LATS2: variants seen among roughly 807,000 people sequenced by gnomAD.
The protein encoded by LATS2 is large tumor suppressor kinase 2.
A neutral mutation model predicts 76.0 loss-of-function variants in LATS2; 24 were observed. That is an observed-to-expected ratio of 0.32 (90% CI 0.23 to 0.44). The LOEUF (loss-of-function observed/expected upper bound fraction) is 0.44. Ranked by LOEUF, LATS2 falls within the 20% of genes least tolerant of loss-of-function variation. LATS2 has a pLI of 1.00. For synonymous variants in LATS2, 692 were observed against 635.4 expected (o/e 1.09, Z -1.34); for missense variants, 1,286 against 1,481.2 (o/e 0.87, Z 2.16).
At position 20,990,646 on chromosome 13, in the gene LATS2, G is replaced by C. The variant is rs953912428; in HGVS notation, c.475+626C>G. The stretch of plus-strand genomic sequence containing the variant: ...TTGGGTTACAGGCTTGAGCCACTGC[G>C]CCTGGCCATGAATCCTTTATCACAC... On this transcript the variant is annotated intron_variant, in intron 3 of 7. Transcript: ENST00000382592. Among the ~76,000 whole-genome samples, 7 of 152,040 alleles carry C rather than the reference G, an allele frequency of 4.6e-5. 1 individual carries two copies. In the South Asian group the frequency reaches 1.2e-3, roughly 27 times the overall value.
At chr13:21,018,691 T>C (rs1221601460) in intron 2 of LATS2, among the ~76,000 whole-genome samples, 1 of 152,174 alleles carries the variant, frequency 6.6e-6, no homozygotes, top group African/African-American at 2.4e-5. Flanking sequence ...TCTTGCTTTG[T>C]CGCCCTGTCT....
At chr13:21,039,158 A>G (rs753816666) in intron 2 of LATS2, among the ~76,000 whole-genome samples, 6 of 152,108 alleles carry the variant, frequency 3.9e-5, no homozygotes, top group Admixed American at 6.6e-5. Context: ...AAAAAAGGGG[A>G]AAAGGCAAGG....
intron 2 of LATS2, among the ~76,000 whole-genome samples, chr13:21,003,180 C>CTGTT (rs1565950581): frequency 6.6e-6 from 1 of 152,072 alleles, no homozygotes; most frequent in Non-Finnish European, 1.5e-5. Flanking sequence ...AAAAATGAGA[C>CTGTT]TGTTCCATTA....
Position 20,974,802 on chromosome 13 carries a change from C to CCACA in LATS2, c.*67_*68insTGTG. On this transcript the variant is annotated 3_prime_UTR_variant, in exon 8 of 8. Transcript: ENST00000382592. Reference sequence around the variant, plus strand: ...AACAGCCCTCGGCTTCCCTATTGGCCTGTGAGGGCACCGGCTCCGGGACCC... The same window carrying CCACA: ...AACAGCCCTCGGCTTCCCTATTGGCCCACATGTGAGGGCACCGGCTCCGGGACCC... 6.6e-7 allele frequency: 1 copy of CCACA among 1,516,512 alleles called. No individual in the cohort carries two copies. The highest frequency in any genetic ancestry group is 8.9e-7 in the Non-Finnish European group (1 of 1,129,196). 93.9% of individuals were successfully genotyped at this position (1,516,512 alleles called of 1,614,324 possible). A position where few individuals can be genotyped will look rare whatever the true frequency, so the allele number is the denominator to read the frequency against.
chr13:20,988,641 G>A lies in LATS2; in HGVS notation c.1139C>T (p.Ser380Phe). Reference sequence around the variant, plus strand: ...CGCCTCCAGGCCCGGCTTCTGCAGGGAGTCCCGGCGGGCCAGGGTGGCAGC... The same window carrying A: ...CGCCTCCAGGCCCGGCTTCTGCAGGAAGTCCCGGCGGGCCAGGGTGGCAGC... ...WPAATLARRD[S>F]LQKPGLEAPP... is the part of the protein sequence containing the mutation. The change falls in exon 4 of 8, where the codon TCC becomes TTC. Residue 380 changes from serine (S) to phenylalanine (F), a missense_variant. Coordinates refer to ENST00000382592, the MANE Select transcript of LATS2 (RefSeq NM_014572.3). The A allele has an allele frequency of 6.3e-7, 1 of 1,584,068 alleles. No homozygotes were observed. The highest frequency in any genetic ancestry group is 8.5e-7 in the Non-Finnish European group (1 of 1,174,106).
chr13:21,034,701 T>G (rs1872637885), intron 2 of LATS2, among the ~76,000 whole-genome samples: 1 of 152,030 alleles, frequency 6.6e-6, no homozygotes, highest in Non-Finnish European at 1.5e-5. Flanking sequence ...GATTTAGTGC[T>G]TGTCTGCTTC....
At chr13:21,021,869 T>G (rs1056928911) in intron 2 of LATS2, among the ~76,000 whole-genome samples, 3 of 152,226 alleles carry the variant, frequency 2.0e-5, no homozygotes, top group African/African-American at 7.2e-5. Context: ...AGACCAGTTC[T>G]GTCACCAAGC....
At chr13:21,046,667 C>T (rs1227610212) in intron 1 of LATS2, among the ~76,000 whole-genome samples, 1 of 152,140 alleles carries the variant, frequency 6.6e-6, no homozygotes, top group East Asian at 1.9e-4. Context: ...ACTAACCTCT[C>T]CCCCCTCACA....
intron 2 of LATS2, among the ~76,000 whole-genome samples, chr13:21,022,236 CTA>C (rs149026722): frequency 0.039 from 5,884 of 151,980 alleles, 156 homozygotes; most frequent in African/African-American, 0.066. Context: ...GCATGTGTGC[CTA>C]TGTGTGTGGA....
intron 1 of LATS2, among the ~76,000 whole-genome samples, chr13:21,050,330 A>T (rs930292407): frequency 6.6e-6 from 1 of 151,602 alleles, no homozygotes; most frequent in African/African-American, 2.4e-5. Context: ...ATAGCATCCA[A>T]ATCAAGAAGT....
Position 20,988,311 on chromosome 13 carries a change from T to C in LATS2, c.1469A>G (p.His490Arg), listed in dbSNP as rs1870277256. 6.5e-7 allele frequency: 1 copy of C among 1,544,766 alleles called. No individual in the cohort carries two copies. The highest frequency in any genetic ancestry group is 1.2e-5 in the South Asian group (1 of 84,780). Reference sequence around the variant, plus strand: ...GCCTGCGCCGCCCAGCGCCAGGGCATGCTCCTCCTTGGCGTCCAAGCCCTC... The same window carrying C: ...GCCTGCGCCGCCCAGCGCCAGGGCACGCTCCTCCTTGGCGTCCAAGCCCTC... ...AAEGLDAKEE[H>R]ALALGGAGAF... Residue 490 changes from histidine (H) to arginine (R), a missense_variant, in exon 4 of 8, where the codon CAT (histidine) becomes CGT (arginine). Physicochemically the swap from His to Arg is conservative, Grantham distance 29 (BLOSUM62 0). Transcript: ENST00000382592.
chr13:21,023,903 G>A (rs1227922573), intron 2 of LATS2, among the ~76,000 whole-genome samples: 1 of 151,500 alleles, frequency 6.6e-6, no homozygotes, highest in African/African-American at 2.4e-5. Context: ...AACCCAGGAG[G>A]CAGAGGTAGC....
At chr13:21,043,537 AG>A (rs1270840090) in intron 2 of LATS2, among the ~76,000 whole-genome samples, 4 of 152,210 alleles carry the variant, frequency 2.6e-5, no homozygotes, top group African/African-American at 9.6e-5. Context: ...GTGGAGGCAC[AG>A]CTGTTTTAAG....
chr13:21,042,226 T>C (rs1254862381), intron 2 of LATS2, among the ~76,000 whole-genome samples: 2 of 152,242 alleles, frequency 1.3e-5, no homozygotes, highest in African/African-American at 4.8e-5. Context: ...ATACACATTA[T>C]ATCCTTACAC....
chr13:21,051,232 A>G (rs149932312), intron 1 of LATS2, among the ~76,000 whole-genome samples: 1 of 152,326 alleles, frequency 6.6e-6, no homozygotes, highest in East Asian at 1.9e-4. Context: ...GCAGTGCACA[A>G]CCTGAACACC....
At chr13:21,061,139 G>A (rs1873631326) in intron 1 of LATS2, among the ~76,000 whole-genome samples, 1 of 151,666 alleles carries the variant, frequency 6.6e-6, no homozygotes, top group Non-Finnish European at 1.5e-5. Flanking sequence ...ACGAGCCGCC[G>A]GGCGGGGGCG....
intron 1 of LATS2, among the ~76,000 whole-genome samples, chr13:21,058,850 T>A (rs1873531649): frequency 6.6e-6 from 1 of 152,162 alleles, no homozygotes; most frequent in Non-Finnish European, 1.5e-5. Flanking sequence ...ACTGACTTGT[T>A]AATTACAGTT....
intron 2 of LATS2, among the ~76,000 whole-genome samples, chr13:21,041,015 C>T (rs1198802014): frequency 6.6e-6 from 1 of 151,970 alleles, no homozygotes; most frequent in Non-Finnish European, 1.5e-5. Flanking sequence ...CTCTGTCGCC[C>T]AGGCTGGAGT....
intron 4 of LATS2, among the ~76,000 whole-genome samples, chr13:20,986,976 T>C (rs971195506): frequency 6.6e-6 from 1 of 152,172 alleles, no homozygotes; most frequent in African/African-American, 2.4e-5. Context: ...GCAGATCACC[T>C]GAGGTCAAGA....
Sources: allele counts gnomAD v4.1 joint callset (sites outside exome capture counted in the v4.1 genomes callset), GRCh38; gene constraint gnomAD v4.1.1; transcripts MANE v1.5; gene names NCBI Gene and HGNC (gene_info 2026-07-23, HGNC 2026-07-21).